CXorf58: variants seen among roughly 807,000 people sequenced by gnomAD.
The protein encoded by CXorf58 is chromosome X open reading frame 58.
A neutral mutation model predicts 26.0 loss-of-function variants in CXorf58; 24 were observed. The ratio of observed to expected loss-of-function variants is 0.92; its 90% CI spans 0.67 to 1.30. CXorf58 has a LOEUF of 1.30. Among genes scored for constraint, CXorf58 ranks in the 50% most tolerant of loss-of-function variants. The pLI, the probability that CXorf58 is intolerant of heterozygous loss-of-function variation, is 0.00. For synonymous variants in CXorf58, 87 were observed against 86.1 expected, an observed-to-expected ratio of 1.01 and a Z score of -0.06; for missense variants, 236 against 263.9, an observed-to-expected ratio of 0.89 and a Z score of 0.73.
At chrX:23,926,870 T>C (rs1482447159) in intron 5 of CXorf58, among the ~76,000 whole-genome samples, 2 of 111,085 alleles carry the variant, frequency 1.8e-5, no homozygotes, top group Non-Finnish European at 3.8e-5. Context: ...ATACAAAAAA[T>C]TAGCCAGGTG....
At chrX:23,929,813 G>C (rs1202307520) in intron 6 of CXorf58, among the ~76,000 whole-genome samples, 1 of 112,410 alleles carries the variant, frequency 8.9e-6, no homozygotes. Context: ...AGGACAGGCT[G>C]AGTCTCTTGT....
intron 6 of CXorf58, 94 bp from the exon 7 acceptor site, chrX:23,935,102 G>A (rs1831960614): frequency 1.6e-6 from 1 of 618,302 alleles, no homozygotes; most frequent in South Asian, 2.7e-5. Context: ...CTGACCTCAG[G>A]TGATCCACCC....
chrX:23,927,239 G>A lies in CXorf58; in HGVS notation c.424G>A (p.Ala142Thr). The change falls in exon 6 of 9, where the codon GCA (alanine) becomes ACA (threonine). Residue 142 changes from alanine to threonine, a missense_variant and splice_region_variant. Transcript: ENST00000379211. Reference sequence around the variant, plus strand: ...AGTCTATTTTCTATTCTTTTTACAGGCAGTGGATGATGCTTGCAAACTAAT... The same window carrying A: ...AGTCTATTTTCTATTCTTTTTACAGACAGTGGATGATGCTTGCAAACTAAT... ...GKNVLMPSSK[A>T]VDDACKLMGE... is the part of the protein sequence containing the mutation. 1 of 1,141,549 alleles carries A rather than the reference G, an allele frequency of 8.8e-7. No individual in the cohort carries two copies. The highest frequency in any genetic ancestry group is 1.2e-6 in the Non-Finnish European group (1 of 851,271). The allele number at this position is 1,141,549 out of a possible 1,213,427, so 94.1% of individuals were successfully genotyped here. A position where few individuals can be genotyped will look rare whatever the true frequency, so the allele number is the denominator to read the frequency against.
chrX:23,935,129 G>T (rs1453277733), intron 6 of CXorf58, 67 bp from the exon 7 acceptor site: 17 of 857,146 alleles, frequency 2.0e-5, no homozygotes, highest in Non-Finnish European at 2.9e-5. Context: ...GCCTCCCAAA[G>T]TTCTGGGATT....
chrX:23,935,285 A>G lies in CXorf58; in HGVS notation c.645A>G (p.Thr215=), dbSNP rs377514334. ...RKLNLENIPR[T]MLMYDIVHYS... ...TAAATCTTGAAAATATTCCCAGGAC[A>G]ATGCTAATGTATGACATAGTTCATT... Residue 215 remains threonine (T), a synonymous_variant, in exon 7 of 9, where the codon ACA becomes ACG. Transcript: ENST00000379211. The G allele has an allele frequency of 5.8e-6, 7 of 1,206,724 alleles. No individual in the cohort carries two copies. The African/African-American group carries it at 1.0e-4, about 18-fold the overall frequency.
At chrX:23,928,624 A>G (rs1017348089) in intron 6 of CXorf58, among the ~76,000 whole-genome samples, 3 of 111,277 alleles carry the variant, frequency 2.7e-5, no homozygotes, top group African/African-American at 9.8e-5. Flanking sequence ...AAATCTTTTC[A>G]TTATTATTAT....
At chrX:23,918,626 A>C (rs1184807925) in intron 5 of CXorf58, among the ~76,000 whole-genome samples, 1 of 112,024 alleles carries the variant, frequency 8.9e-6, no homozygotes, top group Non-Finnish European at 1.9e-5. Context: ...CCACAATTGC[A>C]ATGTTATAAT....
At chrX:23,915,332 T>G (rs1321353115) in intron 3 of CXorf58, among the ~76,000 whole-genome samples, 1 of 112,086 alleles carries the variant, frequency 8.9e-6, no homozygotes, top group African/African-American at 3.2e-5. Flanking sequence ...GGCACTGTAT[T>G]AGATGCTAGG....
intron 6 of CXorf58, among the ~76,000 whole-genome samples, chrX:23,930,204 A>AAT (rs1480179838): frequency 9.3e-6 from 1 of 107,000 alleles, no homozygotes; most frequent in Non-Finnish European, 1.9e-5. Flanking sequence ...CTCAAAAAAA[A>AAT]AAAAAAAAAA....
chrX:23,930,057 C>T (rs113886915), intron 6 of CXorf58, among the ~76,000 whole-genome samples: 1,924 of 107,227 alleles, frequency 0.018, 40 homozygotes, highest in African/African-American at 0.057. Flanking sequence ...ATTAGCCGGG[C>T]GTGGTGGTGG....
intron 6 of CXorf58, among the ~76,000 whole-genome samples, chrX:23,933,427 TATC>T: frequency 1.8e-5 from 2 of 112,105 alleles, no homozygotes; most frequent in South Asian, 7.4e-4. Flanking sequence ...CCTAATTTGA[TATC>T]ATTTTAAATT....
At chrX:23,929,044 T>C (rs1928085854) in intron 6 of CXorf58, among the ~76,000 whole-genome samples, 1 of 111,694 alleles carries the variant, frequency 9.0e-6, no homozygotes, top group Non-Finnish European at 1.9e-5. Flanking sequence ...TTAAAAGTGC[T>C]ACTCCAGCGA....
At chrX:23,912,732 A>G in intron 3 of CXorf58, among the ~76,000 whole-genome samples, 1 of 110,157 alleles carries the variant, frequency 9.1e-6, no homozygotes, top group South Asian at 3.8e-4. Flanking sequence ...CGACAGTGAG[A>G]CTCTGTCCCC....
At chrX:23,920,806 G>A (rs775560916) in intron 5 of CXorf58, among the ~76,000 whole-genome samples, 12 of 106,131 alleles carry the variant, frequency 1.1e-4, no homozygotes, top group African/African-American at 3.5e-4. Flanking sequence ...CAAGAGAATC[G>A]CTTGAACCCA....
rs1370243555 is a variant in CXorf58, at chrX:23,935,201, CA to C, written c.562del (p.Ser188ValfsTer20). ...VTMQDYVQYR[S>X]FFDEAPAFSG... ...TTCTTGTTTTTTCCCTACAGTATCGCAGTTTTTTCGATGAGGCCCCTGCATT... is the reference window on the plus strand; with the variant it reads ...TTCTTGTTTTTTCCCTACAGTATCGCGTTTTTTCGATGAGGCCCCTGCATT... On this transcript the variant is annotated frameshift_variant, in exon 7 of 9. Coordinates refer to ENST00000379211, the MANE Select transcript of CXorf58 (RefSeq NM_152761.3). LOFTEE classifies it high-confidence loss of function. The C allele has an allele frequency of 1.7e-6, 2 of 1,205,401 alleles. No individual in the cohort carries two copies. The highest frequency in any genetic ancestry group is 2.2e-6 in the Non-Finnish European group (2 of 890,393).
intron 5 of CXorf58, among the ~76,000 whole-genome samples, chrX:23,923,635 T>A (rs1368959988): frequency 5.2e-5 from 5 of 96,484 alleles, no homozygotes; most frequent in East Asian, 4.2e-4. Context: ...GGAGACTCTG[T>A]CTCAGAAAAA....
rs1247174909 is a variant in CXorf58 at position 23,934,679 on chromosome X, C to T, written c.556-517C>T. ...TGTTGGTGTGCTGCACCCATTAACT[C>T]GTCATTTACATTAGGTATGTCTCCT... On this transcript the variant is annotated intron_variant, in intron 6 of 8. Coordinates refer to ENST00000379211, the MANE Select transcript of CXorf58 (RefSeq NM_152761.3). Among the ~76,000 whole-genome samples the T allele has an allele frequency of 3.6e-5, 4 of 111,127 alleles. No homozygotes were observed. The East Asian group carries it at 8.4e-4, about 23-fold the overall frequency.
intron 5 of CXorf58, among the ~76,000 whole-genome samples, chrX:23,924,705 C>T (rs1927961047): frequency 9.2e-6 from 1 of 108,868 alleles, no homozygotes; most frequent in South Asian, 4.0e-4. Context: ...AGGAGATATA[C>T]CTAATGTTAA....
chrX:23,911,465 A>G (rs1001463195), intron 2 of CXorf58, among the ~76,000 whole-genome samples: 1 of 111,388 alleles, frequency 9.0e-6, no homozygotes, highest in East Asian at 2.8e-4. Context: ...TTTATAATAT[A>G]CATGCCTCTT....
Sources: gnomAD v4.1 joint callset for allele counts (sites outside exome capture counted in the v4.1 genomes callset) on GRCh38, gnomAD v4.1.1 for gene constraint, MANE v1.5 for transcripts, NCBI Gene and HGNC (gene_info 2026-07-23, HGNC 2026-07-21) for gene names.